IGF2BP2: variants seen among roughly 807,000 people sequenced by gnomAD.
IGF2BP2 encodes the protein insulin like growth factor 2 mRNA binding protein 2, also known as insulin-like growth factor 2 mRNA-binding protein 2.
Under a neutral mutation model 75.8 loss-of-function variants are expected in IGF2BP2, and 17 were observed. That is an observed-to-expected ratio of 0.22 (90% CI 0.15 to 0.34). The LOEUF is 0.34. Ranked by LOEUF, IGF2BP2 falls within the 10% of genes least tolerant of loss-of-function variation. The probability of loss-of-function intolerance (pLI) is 1.00; values close to 1 mark genes in which losing one functional copy is unlikely to be tolerated. For synonymous variants in IGF2BP2, 288 were observed against 295.6 expected, an observed-to-expected ratio of 0.97 and a Z score of 0.26; for missense variants, 516 against 772.4, an observed-to-expected ratio of 0.67 and a Z score of 3.93.
chr3:185,649,563 CTCAG>C (rs1714207796), intron 13 of IGF2BP2, 29 bp from the exon 14 acceptor site: 1 of 1,612,914 alleles, frequency 6.2e-7, no homozygotes, highest in African/African-American at 1.3e-5. Context: ...ACTAATGACT[CTCAG>C]TCAGCCAGCA....
chr3:185,750,590 C>T (rs538390806), intron 2 of IGF2BP2, among the ~76,000 whole-genome samples: 1,566 of 152,254 alleles, frequency 0.01, 28 homozygotes, highest in African/African-American at 0.035. Context: ...ACTTGTAATC[C>T]AGGAACTCTT....
At chr3:185,769,403 A>G (rs1733559315) in intron 2 of IGF2BP2, among the ~76,000 whole-genome samples, 1 of 152,094 alleles carries the variant, frequency 6.6e-6, no homozygotes, top group African/African-American at 2.4e-5. Context: ...AACGGAAGTT[A>G]TAAAGAGACA....
At chr3:185,665,428 G>GAGGAGAAGGAGA (rs1717299264) in intron 10 of IGF2BP2, among the ~76,000 whole-genome samples, 3 of 95,656 alleles carry the variant, frequency 3.1e-5, no homozygotes, top group Non-Finnish European at 4.8e-5. Context: ...GAAGGAGAAG[G>GAGGAGAAGGAGA]AGGAGGAGGA....
At chr3:185,677,088 G>T (rs1278557045) in intron 7 of IGF2BP2, among the ~76,000 whole-genome samples, 1 of 125,242 alleles carries the variant, frequency 8.0e-6, no homozygotes, top group East Asian at 2.3e-4. Context: ...GAGAGAGAGA[G>T]AGAGAGAGAG....
Position 185,702,001 on chromosome 3 carries a change from G to A in IGF2BP2, c.240-3654C>T, listed in dbSNP as rs76678127. 1.7e-3 allele frequency among the ~76,000 whole-genome samples: 262 copies of A among 152,104 alleles called. 4 individuals are homozygous for A. The highest frequency in any genetic ancestry group is 0.015 in the East Asian group (76 of 5,166). The stretch of plus-strand genomic sequence containing the variant: ...GGGACTCTGGCATGTCCTTCAAAAC[G>A]CAGCTCACACATAATCCCTGCTGAG... On this transcript the variant is annotated intron_variant, in intron 2 of 15. Transcript: ENST00000382199.
chr3:185,664,507 G>T (rs1188656328), intron 10 of IGF2BP2, among the ~76,000 whole-genome samples: 3 of 152,196 alleles, frequency 2.0e-5, no homozygotes, highest in African/African-American at 7.2e-5. Context: ...TGAATTAATG[G>T]AGGGAGAAGG....
At chr3:185,683,819 G>A (rs2149287088) in intron 7 of IGF2BP2, among the ~76,000 whole-genome samples, 1 of 152,284 alleles carries the variant, frequency 6.6e-6, no homozygotes, top group South Asian at 2.1e-4. Flanking sequence ...ACTTTTTTGT[G>A]GGAATGCACA....
chr3:185,740,308 A>G (rs1445304727), intron 2 of IGF2BP2, among the ~76,000 whole-genome samples: 1 of 152,264 alleles, frequency 6.6e-6, no homozygotes, highest in Non-Finnish European at 1.5e-5. Flanking sequence ...CCATTCATTT[A>G]CCATTTAATC....
At chr3:185,689,784 C>T (rs920094391) in intron 5 of IGF2BP2, among the ~76,000 whole-genome samples, 157 bp from the exon 6 acceptor site, 2 of 151,698 alleles carry the variant, frequency 1.3e-5, no homozygotes, top group African/African-American at 2.4e-5. Context: ...CCGGCTAAAA[C>T]GGTGAAACCC....
intron 2 of IGF2BP2, among the ~76,000 whole-genome samples, chr3:185,753,043 A>G (rs1013782309): frequency 6.6e-6 from 1 of 152,208 alleles, no homozygotes. Context: ...ATACATTTTA[A>G]TTAGTTAATA....
intron 2 of IGF2BP2, among the ~76,000 whole-genome samples, chr3:185,777,337 A>AAAACC (rs1426983108): frequency 1.3e-5 from 2 of 152,088 alleles, no homozygotes; most frequent in Non-Finnish European, 2.9e-5. Context: ...AACCAAAACC[A>AAAACC]AAACAAAACA....
intron 2 of IGF2BP2, among the ~76,000 whole-genome samples, chr3:185,716,167 A>T (rs1347877509): frequency 2.7e-5 from 4 of 146,050 alleles, no homozygotes; most frequent in East Asian, 2.0e-4. Context: ...TAACATGATT[A>T]AAAAAAAAAA....
rs997981702 is a variant in IGF2BP2 at position 185,692,844 on chromosome 3, G to A, written c.341-82C>T. 8 of 1,213,720 alleles carry A rather than the reference G, an allele frequency of 6.6e-6. No individual in the cohort carries two copies. In the African/African-American group the frequency reaches 1.2e-4, roughly 18 times the overall value. The allele number at this position is 1,213,720 out of a possible 1,614,324, so 75.2% of individuals were successfully genotyped here. A position where few individuals can be genotyped will look rare whatever the true frequency, so the allele number is the denominator to read the frequency against. On this transcript the variant is annotated intron_variant, in intron 4 of 15. Coordinates refer to ENST00000382199, the MANE Select transcript of IGF2BP2 (RefSeq NM_006548.6). The stretch of plus-strand genomic sequence containing the variant: ...TTAATGTAAACAGACAAACTTTAGA[G>A]AAAAATGCATAAAACCCTCATCACA...
At chr3:185,662,710 T>C (rs1210951735) in intron 10 of IGF2BP2, among the ~76,000 whole-genome samples, 4 of 151,826 alleles carry the variant, frequency 2.6e-5, no homozygotes, top group Non-Finnish European at 5.9e-5. Flanking sequence ...GCATAGCTAA[T>C]TTTTATATTT....
At chr3:185,801,102 GA>G (rs988333615) in intron 2 of IGF2BP2, among the ~76,000 whole-genome samples, 9 of 151,928 alleles carry the variant, frequency 5.9e-5, no homozygotes, top group Non-Finnish European at 1.0e-4. Context: ...ACAAACATAT[GA>G]AAAAAAGCTC....
At chr3:185,712,237 T>G (rs1724909550) in intron 2 of IGF2BP2, among the ~76,000 whole-genome samples, 1 of 152,168 alleles carries the variant, frequency 6.6e-6, no homozygotes, top group African/African-American at 2.4e-5. Flanking sequence ...AAGAATACCT[T>G]TTTTCCTTGG....
intron 2 of IGF2BP2, among the ~76,000 whole-genome samples, chr3:185,714,306 C>T (rs927274308): frequency 2.0e-5 from 3 of 152,148 alleles, no homozygotes; most frequent in East Asian, 3.8e-4. Flanking sequence ...TACTGATGGA[C>T]ACAAGATGTT....
intron 4 of IGF2BP2, among the ~76,000 whole-genome samples, chr3:185,695,597 T>C (rs577291147): frequency 1.3e-5 from 2 of 152,322 alleles, no homozygotes; most frequent in South Asian, 4.1e-4. Context: ...GAATCTACTT[T>C]TCTGGGACTC....
chr3:185,695,322 C>T (rs1283148018), intron 4 of IGF2BP2, among the ~76,000 whole-genome samples: 1 of 152,162 alleles, frequency 6.6e-6, no homozygotes, highest in Non-Finnish European at 1.5e-5. Flanking sequence ...CCTAAGTGAA[C>T]TTGAACAATC....
Sources: allele counts gnomAD v4.1 joint callset (sites outside exome capture counted in the v4.1 genomes callset), GRCh38; gene constraint gnomAD v4.1.1; transcripts MANE v1.5; gene names NCBI Gene and HGNC (gene_info 2026-07-23, HGNC 2026-07-21).